CNDP2: variants seen among roughly 807,000 people sequenced by gnomAD.
CNDP2 encodes the protein cytosolic non-specific dipeptidase.
In CNDP2, 38 loss-of-function variants were observed where a neutral mutation model predicts 55.0. The observed-to-expected ratio is 0.69, with a 90% CI of 0.53 to 0.90. The LOEUF is 0.90. CNDP2 is among the 40% of genes least tolerant of loss of function. CNDP2 has a pLI of 0.00. For synonymous variants in CNDP2, 241 were observed against 260.2 expected, an observed-to-expected ratio of 0.93 and a Z score of 0.71; for missense variants, 607 against 621.7, an observed-to-expected ratio of 0.98 and a Z score of 0.25.
chr18:74,516,951 C>T (rs1979705637), intron 9 of CNDP2: 1 of 151,796 alleles, frequency 6.6e-6, no homozygotes, highest in South Asian at 2.1e-4. Flanking sequence ...TCGGTCTGCT[C>T]AGGCTGCCAC....
chr18:74,505,602 A>G (rs1978967426), intron 3 of CNDP2, among the ~76,000 whole-genome samples: 2 of 151,378 alleles, frequency 1.3e-5, no homozygotes, highest in East Asian at 3.9e-4. Context: ...CTGTCTCAAA[A>G]AAAAAAAAAA....
Position 74,518,525 on chromosome 18 carries a change from T to TAG in CNDP2, c.1095_1096insAG (p.Ala366ArgfsTer37), listed in dbSNP as rs1979846494. ...TCACAAGCTACCTAACTAAGAAGTT[T>TAG]GCTGAACTACGCAGCCCCAATGAGT... On this transcript the variant is annotated frameshift_variant, in exon 10 of 12. Coordinates refer to ENST00000324262, the MANE Select transcript of CNDP2 (RefSeq NM_018235.3). LOFTEE classifies it high-confidence loss of function. The TAG allele has an allele frequency of 3.1e-6, 5 of 1,614,090 alleles. No individual in the cohort carries two copies. Among genetic ancestry groups the TAG allele is most frequent in the Middle Eastern group, 1.6e-4 (1 of 6,084 alleles).
chr18:74,506,171 TAG>T, intron 4 of CNDP2, 160 bp downstream of exon 4: 9 of 631,168 alleles, frequency 1.4e-5, no homozygotes, highest in African/African-American at 1.9e-5. Context: ...TCTCACTCTG[TAG>T]CTCAGGCTGG....
Position 74,501,346 on chromosome 18 carries a change from G to A in CNDP2, c.78G>A (p.Val26=). Residue 26 remains valine, a synonymous_variant, in exon 3 of 12, where the codon GTG becomes GTA. Coordinates refer to ENST00000324262, the MANE Select transcript of CNDP2 (RefSeq NM_018235.3). ...DRYIKKLAKW[V]AIQSVSAWPE... ...ACAAACAGAAACTCGCAAAATGGGT[G>A]GCTATCCAGAGTGTGTCTGCGTGGC... 1 of 1,612,646 alleles carries A rather than the reference G, an allele frequency of 6.2e-7. No individual in the cohort carries two copies. The highest frequency in any genetic ancestry group is 1.1e-5 in the South Asian group (1 of 90,896).
chr18:74,499,925 C>T lies in CNDP2; in HGVS notation c.-49C>T. The T allele has an allele frequency of 6.3e-7, 1 of 1,579,308 alleles. No homozygotes were observed. The highest frequency in any genetic ancestry group is 8.7e-7 in the Non-Finnish European group (1 of 1,149,058). On this transcript the variant is annotated 5_prime_UTR_variant, in exon 2 of 12. Coordinates refer to ENST00000324262, the MANE Select transcript of CNDP2 (RefSeq NM_018235.3). Reference sequence around the variant, plus strand: ...CTAGAGACAGGACTGACCAGTTGCTCTTCCTTCCAAGAACCTTCGAGATCT... The same window carrying T: ...CTAGAGACAGGACTGACCAGTTGCTTTTCCTTCCAAGAACCTTCGAGATCT...
chr18:74,501,836 C>T (rs929622406), intron 3 of CNDP2, among the ~76,000 whole-genome samples: 3 of 152,084 alleles, frequency 2.0e-5, no homozygotes, highest in African/African-American at 7.2e-5. Flanking sequence ...TATAAAGACT[C>T]CCCCCAACCC....
chr18:74,522,206 C>T lies in CNDP2; in HGVS notation c.*2138C>T, dbSNP rs1489143905. The T allele has an allele frequency of 6.6e-6, 1 of 151,978 alleles. No homozygotes were observed. Among genetic ancestry groups the T allele is most frequent in the Non-Finnish European group, 1.5e-5 (1 of 68,004 alleles). 9.4% of individuals were successfully genotyped at this position (151,978 alleles called of 1,614,324 possible). A position where few individuals can be genotyped will look rare whatever the true frequency, so the allele number is the denominator to read the frequency against. On this transcript the variant is annotated 3_prime_UTR_variant, in exon 12 of 12. Coordinates refer to ENST00000324262, the MANE Select transcript of CNDP2 (RefSeq NM_018235.3). ...GTCTCCTGTCATTTCAAAGTAAAAA[C>T]AAAAAAAGAAGACAAGGGTAGCGGC...
chr18:74,514,757 G>C (rs1444288941), intron 8 of CNDP2, among the ~76,000 whole-genome samples: 2 of 152,206 alleles, frequency 1.3e-5, no homozygotes, highest in African/African-American at 4.8e-5. Context: ...AGTTCTGCAG[G>C]CTGTAGGGTT....
intron 6 of CNDP2, among the ~76,000 whole-genome samples, chr18:74,511,636 A>C (rs1979358104): frequency 6.7e-6 from 1 of 149,506 alleles, no homozygotes; most frequent in Admixed American, 6.8e-5. Context: ...TGAACCCGGG[A>C]GGTGGAGGTT....
intron 9 of CNDP2, chr18:74,517,798 T>C (rs375343283): frequency 6.6e-6 from 1 of 152,066 alleles, no homozygotes; most frequent in East Asian, 1.9e-4. Flanking sequence ...AGGGCTTAAA[T>C]ATATGAATTC....
chr18:74,511,136 T>C, intron 6 of CNDP2, 123 bp downstream of exon 6: 1 of 749,104 alleles, frequency 1.3e-6, no homozygotes, highest in Non-Finnish European at 2.1e-6. Context: ...AGGGCTCACT[T>C]AGTGCCCCAA....
intron 4 of CNDP2, 45 bp from the exon 5 acceptor site, chr18:74,508,795 T>C: frequency 6.6e-7 from 1 of 1,525,698 alleles, no homozygotes; most frequent in South Asian, 1.1e-5. Context: ...TGCTTCTGGG[T>C]TCCTTGTAAT....
chr18:74,518,801 T>C, intron 10 of CNDP2, 148 bp from the exon 11 acceptor site: 1 of 1,427,812 alleles, frequency 7.0e-7, no homozygotes, highest in Non-Finnish European at 9.7e-7. Context: ...GGGATGAGCC[T>C]GGACCCCTGG....
intron 4 of CNDP2, among the ~76,000 whole-genome samples, chr18:74,506,754 G>T (rs908744322): frequency 2.0e-5 from 3 of 152,212 alleles, no homozygotes; most frequent in Non-Finnish European, 4.4e-5. Context: ...GCTTCCGTGG[G>T]CCTGGCACCT....
In CNDP2 at chr18:74,512,492, C is replaced by A. The variant is rs1186434207; in HGVS notation, c.702C>A (p.Gly234=). 3 of 1,613,994 alleles carry A rather than the reference C, an allele frequency of 1.9e-6. No individual in the cohort carries two copies. Among genetic ancestry groups the A allele is most frequent in the Non-Finnish European group, 2.5e-6 (3 of 1,179,950 alleles). Residue 234 remains glycine (G), a synonymous_variant, in exon 7 of 12, where the codon GGC becomes GGA. Transcript: ENST00000324262. ...ACCTCCATTCTGGGGTGTACGGGGG[C>A]TCGGTGCATGAGGCCATGACTGATC... is the stretch of plus-strand genomic sequence containing the variant. ...NKDLHSGVYG[G]SVHEAMTDLI...
chr18:74,513,697 A>G lies in CNDP2; in HGVS notation c.881A>G (p.Gln294Arg). The G allele has an allele frequency of 6.2e-7, 1 of 1,614,024 alleles. No homozygotes were observed. The highest frequency in any genetic ancestry group is 8.5e-7 in the Non-Finnish European group (1 of 1,179,968). Residue 294 changes from glutamine to arginine, a missense_variant, in exon 8 of 12, where the codon CAG (glutamine) becomes CGG (arginine). By Grantham distance (43) the Gln-to-Arg change is conservative. Coordinates refer to ENST00000324262, the MANE Select transcript of CNDP2 (RefSeq NM_018235.3). ...GAGTTTGCCAAGGATGTGGGGGCGCAGATCCTCCTGCACAGCCACAAGGTC... is the reference window on the plus strand; with the variant it reads ...GAGTTTGCCAAGGATGTGGGGGCGCGGATCCTCCTGCACAGCCACAAGGTC... Reference protein sequence around the residue: ...IEEFAKDVGAQILLHSHKKDI... With the variant: ...IEEFAKDVGARILLHSHKKDI...
At chr18:74,519,851 G>A in intron 11 of CNDP2, 148 bp from the exon 12 acceptor site, 1 of 648,626 alleles carries the variant, frequency 1.5e-6, no homozygotes, top group South Asian at 1.9e-5. Flanking sequence ...GAATTCTGAA[G>A]GCAAGCAGGG....
At chr18:74,508,714 C>T in intron 4 of CNDP2, 126 bp from the exon 5 acceptor site, 6 of 702,810 alleles carry the variant, frequency 8.5e-6, no homozygotes, top group South Asian at 6.9e-5. Context: ...TTGGGGGCTC[C>T]TGATCGGAAG....
Position 74,519,906 on chromosome 18 carries a change from G to A in CNDP2, c.1359-93G>A, listed in dbSNP as rs147681024. The A allele has an allele frequency of 1.8e-5, 20 of 1,137,082 alleles. No individual in the cohort carries two copies. The African/African-American group carries it at 1.8e-4, about 10-fold the overall frequency. 70.4% of individuals were successfully genotyped at this position (1,137,082 alleles called of 1,614,324 possible). On this transcript the variant is annotated intron_variant, in intron 11 of 11. Coordinates refer to ENST00000324262, the MANE Select transcript of CNDP2 (RefSeq NM_018235.3). ...GATGGGGGATGCTCCCCAGGAAGAA[G>A]GCAGAGTGTGTCTGGGCTCGGGAGG...
Sources: allele counts gnomAD v4.1 joint callset (sites outside exome capture counted in the v4.1 genomes callset), GRCh38; gene constraint gnomAD v4.1.1; transcripts MANE v1.5; gene names NCBI Gene and HGNC (gene_info 2026-07-23, HGNC 2026-07-21).